Variants in ST8SIA6 observed in about 807,000 individuals in gnomAD.
The protein encoded by ST8SIA6 is alpha-2,8-sialyltransferase 8F.
ST8SIA6 carries 39 observed loss-of-function variants against 33.6 expected under a neutral mutation model. That is an observed-to-expected ratio of 1.16 (90% CI 0.90 to 1.52). The LOEUF is 1.52. ST8SIA6 is among the 40% of genes most tolerant of loss of function. The pLI is 0.00. For synonymous variants in ST8SIA6, 172 were observed against 167.2 expected (o/e 1.03, Z -0.22); for missense variants, 441 against 443.8 (o/e 0.99, Z 0.06).
At chr10:17,426,231 A>G (rs893337716) in intron 2 of ST8SIA6, among the ~76,000 whole-genome samples, 1 of 152,080 alleles carries the variant, frequency 6.6e-6, no homozygotes, top group African/African-American at 2.4e-5. Context: ...TGGGACTAAT[A>G]CATTGCCATC....
Position 17,319,677 on chromosome 10 carries a change from G to A in ST8SIA6, c.*1201C>T, listed in dbSNP as rs1297894163. Among the ~76,000 whole-genome samples the A allele has an allele frequency of 1.4e-4, 21 of 151,226 alleles. No homozygotes were observed. The highest frequency in any genetic ancestry group is 5.1e-4 in the African/African-American group (21 of 41,134). On this transcript the variant is annotated 3_prime_UTR_variant, in exon 8 of 8. Coordinates refer to ENST00000377602, the MANE Select transcript of ST8SIA6 (RefSeq NM_001004470.3). The stretch of plus-strand genomic sequence containing the variant: ...ATTTTTAAGATAGGATATTATATGG[G>A]AAAAAAAAGTAAGCTCTAAATGTCC...
At chr10:17,391,778 C>T (rs1850623119) in intron 2 of ST8SIA6, among the ~76,000 whole-genome samples, 1 of 152,116 alleles carries the variant, frequency 6.6e-6, no homozygotes, top group South Asian at 2.1e-4. Flanking sequence ...ACAAAGTTAG[C>T]CTGCCTAATG....
intron 3 of ST8SIA6, among the ~76,000 whole-genome samples, chr10:17,381,673 C>A (rs183986952): frequency 6.6e-6 from 1 of 152,162 alleles, no homozygotes; most frequent in Non-Finnish European, 1.5e-5. Context: ...CTTATCCTTG[C>A]CAAATACTAT....
In ST8SIA6 at chr10:17,390,421, C is replaced by A. The variant is rs1384352418; in HGVS notation, c.290+110G>T. On this transcript the variant is annotated intron_variant, in intron 3 of 7. Transcript: ENST00000377602. ...AGGAGCTTCAGAGCCCAATGGTAAG[C>A]CTGAGAGTGAACAGTCTCATATTCC... 4.2e-5 allele frequency: 39 copies of A among 925,132 alleles called. No homozygotes were observed. In the Admixed American group the frequency reaches 8.5e-4, roughly 20 times the overall value. 57.3% of individuals were successfully genotyped at this position (925,132 alleles called of 1,614,324 possible). A position where few individuals can be genotyped will look rare whatever the true frequency, so the allele number is the denominator to read the frequency against.
At chr10:17,438,318 G>A (rs1003953907) in intron 2 of ST8SIA6, among the ~76,000 whole-genome samples, 2 of 151,936 alleles carry the variant, frequency 1.3e-5, no homozygotes, top group Non-Finnish European at 2.9e-5. Flanking sequence ...TTGTGTATTC[G>A]GCATTAAACC....
intron 3 of ST8SIA6, among the ~76,000 whole-genome samples, chr10:17,381,633 G>T (rs539693182): frequency 7.2e-5 from 11 of 152,150 alleles, no homozygotes; most frequent in Non-Finnish European, 1.5e-4. Flanking sequence ...ACACATTTTT[G>T]TTTGCATTTA....
At chr10:17,396,120 C>G (rs1850796334) in intron 2 of ST8SIA6, among the ~76,000 whole-genome samples, 1 of 152,146 alleles carries the variant, frequency 6.6e-6, no homozygotes, top group Non-Finnish European at 1.5e-5. Flanking sequence ...ATTAGAAGAT[C>G]ACAATCTCTG....
At chr10:17,427,102 T>G (rs1851961224) in intron 2 of ST8SIA6, among the ~76,000 whole-genome samples, 2 of 87,062 alleles carry the variant, frequency 2.3e-5, no homozygotes, top group African/African-American at 1.2e-4. Flanking sequence ...AGACTGTGTC[T>G]GAAAAAAAAA....
intron 2 of ST8SIA6, among the ~76,000 whole-genome samples, chr10:17,414,723 A>G (rs948657582): frequency 6.6e-6 from 1 of 152,088 alleles, no homozygotes; most frequent in African/African-American, 2.4e-5. Context: ...CTCTTCTTAT[A>G]AAGACACCAG....
chr10:17,359,380 C>G (rs534887082), intron 4 of ST8SIA6, 134 bp downstream of exon 4: 3 of 601,452 alleles, frequency 5.0e-6, no homozygotes, highest in East Asian at 6.0e-5. Flanking sequence ...ATGAGAGGGT[C>G]TTAGAATTCA....
intron 2 of ST8SIA6, among the ~76,000 whole-genome samples, chr10:17,391,068 G>A (rs1217978079): frequency 1.3e-5 from 2 of 151,832 alleles, no homozygotes; most frequent in Non-Finnish European, 2.9e-5. Context: ...ATGTTGGTCC[G>A]GCTGGTCTGG....
chr10:17,368,813 C>T (rs539524188), intron 3 of ST8SIA6, among the ~76,000 whole-genome samples: 3 of 152,010 alleles, frequency 2.0e-5, no homozygotes, highest in South Asian at 2.1e-4. Context: ...TTGAGGGACA[C>T]GAAATGATGT....
intron 2 of ST8SIA6, among the ~76,000 whole-genome samples, chr10:17,422,993 C>T (rs1161539847): frequency 6.6e-6 from 1 of 152,122 alleles, no homozygotes; most frequent in Non-Finnish European, 1.5e-5. Context: ...ATGAAAATCC[C>T]GTTCAATGTA....
At position 17,390,530 on chromosome 10, in the gene ST8SIA6, C is replaced by G; in HGVS notation, c.290+1G>C. ...AATTAAATGTGAAGAGTAGAACTTACCCTTTCGTTTTGTTAGAGAAAGACT... is the reference window on the plus strand; with the variant it reads ...AATTAAATGTGAAGAGTAGAACTTAGCCTTTCGTTTTGTTAGAGAAAGACT... On this transcript the variant is annotated splice_donor_variant, in intron 3 of 7. Transcript: ENST00000377602. LOFTEE classifies it high-confidence loss of function. 1 of 1,609,644 alleles carries G rather than the reference C, an allele frequency of 6.2e-7. No homozygotes were observed.
At chr10:17,358,229 G>C (rs1428949103) in intron 4 of ST8SIA6, among the ~76,000 whole-genome samples, 1 of 152,078 alleles carries the variant, frequency 6.6e-6, no homozygotes, top group Non-Finnish European at 1.5e-5. Context: ...CACCTACTGG[G>C]GGTGGAGCAG....
rs181757620 is a variant in ST8SIA6 at position 17,383,377 on chromosome 10, G to C, written c.290+7154C>G. Among the ~76,000 whole-genome samples, 709 of 152,198 alleles carry C rather than the reference G, an allele frequency of 4.7e-3. 3 individuals are homozygous for C. Among genetic ancestry groups the C allele is most frequent in the Non-Finnish European group, 8.1e-3 (554 of 68,016 alleles). Reference sequence around the variant, plus strand: ...TACAGGAAGCATTGTCAAATATAAAGTGGTATTTAGTTTTCTTAGGGCTGT... The same window carrying C: ...TACAGGAAGCATTGTCAAATATAAACTGGTATTTAGTTTTCTTAGGGCTGT... On this transcript the variant is annotated intron_variant, in intron 3 of 7. Coordinates refer to ENST00000377602, the MANE Select transcript of ST8SIA6 (RefSeq NM_001004470.3).
chr10:17,320,812 G>T lies in ST8SIA6; in HGVS notation c.*66C>A. 1.3e-6 allele frequency: 2 copies of T among 1,534,468 alleles called. No individual in the cohort carries two copies. The highest frequency in any genetic ancestry group is 1.4e-5 in the African/African-American group (1 of 73,282). ...ATACTCTTTAGCCACCTCCTTTGGT[G>T]TTTGGAGACATTGTTAATCACCTAC... On this transcript the variant is annotated 3_prime_UTR_variant, in exon 8 of 8. Coordinates refer to ENST00000377602, the MANE Select transcript of ST8SIA6 (RefSeq NM_001004470.3).
chr10:17,418,727 T>C (rs1435036617), intron 2 of ST8SIA6, among the ~76,000 whole-genome samples: 19 of 152,198 alleles, frequency 1.2e-4, no homozygotes, highest in Admixed American at 1.2e-3. Flanking sequence ...GCGCGATGGC[T>C]CATGCCTGTA....
chr10:17,365,780 A>G (rs1468914165), intron 3 of ST8SIA6, among the ~76,000 whole-genome samples: 2 of 152,168 alleles, frequency 1.3e-5, no homozygotes, highest in African/African-American at 4.8e-5. Context: ...TATCTTGGAG[A>G]TACTGATTTA....
Sources: gnomAD v4.1 joint callset for allele counts (sites outside exome capture counted in the v4.1 genomes callset) on GRCh38, gnomAD v4.1.1 for gene constraint, MANE v1.5 for transcripts, NCBI Gene and HGNC (gene_info 2026-07-23, HGNC 2026-07-21) for gene names.